The following FABP5 variants were observed in gnomAD, a reference collection of about 807,000 sequenced individuals.
FABP5 encodes the protein fatty acid-binding protein 5.
A neutral mutation model predicts 16.9 loss-of-function variants in FABP5; 7 were observed. The observed-to-expected ratio is 0.41, with a 90% CI of 0.24 to 0.78. The LOEUF is 0.78. Among genes scored for constraint, FABP5 ranks in the 30% least tolerant of loss-of-function variants. The pLI is 0.30. For missense variants in FABP5, 119 were observed against 159.5 expected (o/e 0.75, Z 1.37); for synonymous variants, 37 against 52.8 (o/e 0.70, Z 1.30).
Position 81,281,411 on chromosome 8 carries a change from C to G in FABP5, c.79+737C>G, listed in dbSNP as rs1186557190. The G allele has an allele frequency of 2.0e-6, 2 of 986,084 alleles. No individual in the cohort carries two copies. The highest frequency in any genetic ancestry group is 1.2e-4 in the Admixed American group (2 of 16,270). 61.1% of individuals were successfully genotyped at this position (986,084 alleles called of 1,614,324 possible). A position where few individuals can be genotyped will look rare whatever the true frequency, so the allele number is the denominator to read the frequency against. On this transcript the variant is annotated intron_variant, in intron 1 of 3. Transcript: ENST00000297258. The surrounding 1 kb of genome is among the most constrained non-coding windows in gnomAD (Gnocchi z 4.5). The stretch of plus-strand genomic sequence containing the variant: ...GAAGCGTGGCGCTGGCGGTGCCGAC[C>G]TGCTGCTGGCACTGCCGGGCCGGGG...
At chr8:81,282,295 AG>A (rs1190745775) in intron 1 of FABP5, among the ~76,000 whole-genome samples, 5 of 152,020 alleles carry the variant, frequency 3.3e-5, no homozygotes, top group Admixed American at 3.3e-4. Context: ...GGAGTCTTGA[AG>A]GTTGTCAAGA....
At chr8:81,282,166 CAG>C (rs1491129995) in intron 1 of FABP5, among the ~76,000 whole-genome samples, 3 of 77,454 alleles carry the variant, frequency 3.9e-5, no homozygotes, top group African/African-American at 8.4e-5. Flanking sequence ...CAATAAATAA[CAG>C]TGTGTGTGTG....
rs1807837729 is a variant in FABP5 at position 81,281,903 on chromosome 8, G to T, written c.79+1229G>T. On this transcript the variant is annotated intron_variant, in intron 1 of 3. Coordinates refer to ENST00000297258, the MANE Select transcript of FABP5 (RefSeq NM_001444.3). The surrounding 1 kb of genome is among the most constrained non-coding windows in gnomAD (Gnocchi z 4.5). ...GATTTATGAGGGTGCTTCAGAAGCCGGTATCCACAAATGTTAACCCGGTTG... is the reference window on the plus strand; with the variant it reads ...GATTTATGAGGGTGCTTCAGAAGCCTGTATCCACAAATGTTAACCCGGTTG... Among the ~76,000 whole-genome samples, 1 of 152,026 alleles carries T rather than the reference G, an allele frequency of 6.6e-6. No individual in the cohort carries two copies.
chr8:81,284,179 T>A, intron 3 of FABP5: 1 of 551,960 alleles, frequency 1.8e-6, no homozygotes, highest in Non-Finnish European at 3.2e-6. Context: ...TTGGCTGGAG[T>A]TGGGGGGAGT....
chr8:81,280,661 C>T lies in FABP5; in HGVS notation c.66C>T (p.Tyr22=). 6.4e-7 allele frequency: 1 copy of T among 1,558,560 alleles called. No homozygotes were observed. The highest frequency in any genetic ancestry group is 8.7e-7 in the Non-Finnish European group (1 of 1,150,326). The change falls in exon 1 of 4, where the codon TAC becomes TAT. Residue 22 remains tyrosine (Y), a synonymous_variant. Transcript: ENST00000297258. ...RLVDSKGFDE[Y]MKELGVGIAL... is the part of the protein sequence containing the mutation. ...TGGACAGCAAAGGCTTTGATGAATA[C>T]ATGAAGGAGCTAGGTGAGGCACCCG... is the stretch of plus-strand genomic sequence containing the variant.
At chr8:81,284,084 G>A (rs1456317581) in intron 3 of FABP5, 110 bp downstream of exon 3, 3 of 793,870 alleles carry the variant, frequency 3.8e-6, no homozygotes, top group Non-Finnish European at 6.0e-6. Context: ...AGAAAAAAAA[G>A]CAAAATAACA....
rs1203746254 is a variant in FABP5, at chr8:81,283,548, G to C, written c.252+10G>C. ...TGGCAGAAAAACTCAGGTCAGTCGT[G>C]ACATGTTATGAAATCACAGAAGCTT... On this transcript the variant is annotated intron_variant, in intron 2 of 3. Coordinates refer to ENST00000297258, the MANE Select transcript of FABP5 (RefSeq NM_001444.3). The C allele has an allele frequency of 2.5e-6, 4 of 1,602,790 alleles. No individual in the cohort carries two copies. The highest frequency in any genetic ancestry group is 3.4e-6 in the Non-Finnish European group (4 of 1,176,210).
intron 3 of FABP5, 164 bp from the exon 4 acceptor site, chr8:81,284,350 A>G: frequency 1.7e-6 from 1 of 573,502 alleles, no homozygotes; most frequent in Non-Finnish European, 3.1e-6. Flanking sequence ...AAGCAAAACA[A>G]CAGCTTCTGG....
At position 81,280,850 on chromosome 8, in the gene FABP5, G is replaced by A. The variant is rs7844708; in HGVS notation, c.79+176G>A. On this transcript the variant is annotated intron_variant, in intron 1 of 3. Transcript: ENST00000297258. ...GTGCAGCGCGCGCAGCACCACGCGG[G>A]CAGGCGGCGAGGAGCAGGGAGCGTG... 3 of 609,954 alleles carry A rather than the reference G, an allele frequency of 4.9e-6. No homozygotes were observed. In the African/African-American group the frequency reaches 5.7e-5, roughly 12 times the overall value. 37.8% of individuals were successfully genotyped at this position (609,954 alleles called of 1,614,324 possible).
rs980126318 is a variant in FABP5 at position 81,284,742 on chromosome 8, C to G, written c.*175C>G. The G allele has an allele frequency of 1.5e-4, 80 of 524,250 alleles. No individual in the cohort carries two copies. The highest frequency in any genetic ancestry group is 2.5e-4 in the Admixed American group (8 of 31,450). The allele number at this position is 524,250 out of a possible 1,614,324, so 32.5% of individuals were successfully genotyped here. A position where few individuals can be genotyped will look rare whatever the true frequency, so the allele number is the denominator to read the frequency against. ...AGTGTGTTGGATTAATTAGGATCAT[C>G]CCTTTGGTTAATAAATAAATGTGTT... On this transcript the variant is annotated 3_prime_UTR_variant, in exon 4 of 4. Coordinates refer to ENST00000297258, the MANE Select transcript of FABP5 (RefSeq NM_001444.3).
chr8:81,284,619 A>ATTGAACTGAGCTTG lies in FABP5; in HGVS notation c.*52_*53insTTGAACTGAGCTTG. The ATTGAACTGAGCTTG allele has an allele frequency of 1.0e-6, 1 of 993,694 alleles. No homozygotes were observed. The highest frequency in any genetic ancestry group is 1.6e-6 in the Non-Finnish European group (1 of 636,426). The allele number at this position is 993,694 out of a possible 1,614,324, so 61.6% of individuals were successfully genotyped here. On this transcript the variant is annotated 3_prime_UTR_variant, in exon 4 of 4. Coordinates refer to ENST00000297258, the MANE Select transcript of FABP5 (RefSeq NM_001444.3). Reference sequence around the variant, plus strand: ...GTTAATTAAGAGAATGACCAAGCTCAGTTCAATGAGCAAATCTCCATACTG... The same window carrying ATTGAACTGAGCTTG: ...GTTAATTAAGAGAATGACCAAGCTCATTGAACTGAGCTTGGTTCAATGAGCAAATCTCCATACTG...
chr8:81,281,407 C>A lies in FABP5; in HGVS notation c.79+733C>A. ...CCGAGAAGCGTGGCGCTGGCGGTGC[C>A]GACCTGCTGCTGGCACTGCCGGGCC... On this transcript the variant is annotated intron_variant, in intron 1 of 3. Coordinates refer to ENST00000297258, the MANE Select transcript of FABP5 (RefSeq NM_001444.3). This position sits in a 1 kb window ranked among gnomAD's most constrained non-coding sequence, Gnocchi z 4.5. The A allele has an allele frequency of 4.1e-6, 4 of 985,994 alleles. No homozygotes were observed. Among genetic ancestry groups the A allele is most frequent in the Non-Finnish European group, 4.8e-6 (4 of 830,560 alleles). The allele number at this position is 985,994 out of a possible 1,614,324, so 61.1% of individuals were successfully genotyped here.
intron 1 of FABP5, 47 bp from the exon 2 acceptor site, chr8:81,283,316 AATG>A: frequency 7.1e-7 from 1 of 1,403,938 alleles, no homozygotes; most frequent in Non-Finnish European, 9.7e-7. Flanking sequence ...TTATCATGTA[AATG>A]ATAACTTTGG....
At chr8:81,284,066 AGTTTGG>A in intron 3 of FABP5, 92 bp downstream of exon 3, 2 of 981,652 alleles carry the variant, frequency 2.0e-6, no homozygotes, top group Admixed American at 2.4e-5. Context: ...AACAGAACTC[AGTTTGG>A]AAGAAAAAAA....
chr8:81,284,676 A>C lies in FABP5; in HGVS notation c.*109A>C. The C allele has an allele frequency of 3.3e-6, 2 of 604,946 alleles. No homozygotes were observed. The highest frequency in any genetic ancestry group is 2.9e-6 in the Non-Finnish European group (1 of 343,768). 37.5% of individuals were successfully genotyped at this position (604,946 alleles called of 1,614,324 possible). ...TCTTTTTTTTTTCATTACTGTGTTC[A>C]ATTATCTTTATCATAAACATTTTAC... On this transcript the variant is annotated 3_prime_UTR_variant, in exon 4 of 4. Coordinates refer to ENST00000297258, the MANE Select transcript of FABP5 (RefSeq NM_001444.3).
chr8:81,282,212 C>T (rs1807843437), intron 1 of FABP5, among the ~76,000 whole-genome samples: 1 of 148,884 alleles, frequency 6.7e-6, no homozygotes, highest in East Asian at 2.0e-4. Flanking sequence ...AAGTTTAAGG[C>T]CCAAAGAACA....
At chr8:81,283,797 T>C (rs1201029060) in intron 2 of FABP5, 76 bp from the exon 3 acceptor site, 1 of 1,193,034 alleles carries the variant, frequency 8.4e-7, no homozygotes, top group African/African-American at 1.5e-5. Flanking sequence ...AAACAAATGT[T>C]GATTAAGGAG....
chr8:81,280,852 A>G (rs894775257), intron 1 of FABP5, 178 bp downstream of exon 1: 10 of 594,250 alleles, frequency 1.7e-5, no homozygotes, highest in African/African-American at 3.8e-5. Context: ...CCACGCGGGC[A>G]GGCGGCGAGG....
chr8:81,281,292 C>T lies in FABP5; in HGVS notation c.79+618C>T, dbSNP rs1807826507. 2.1e-6 allele frequency: 2 copies of T among 952,716 alleles called. No homozygotes were observed. Among genetic ancestry groups the T allele is most frequent in the Non-Finnish European group, 2.5e-6 (2 of 800,192 alleles). 59.0% of individuals were successfully genotyped at this position (952,716 alleles called of 1,614,324 possible). A position where few individuals can be genotyped will look rare whatever the true frequency, so the allele number is the denominator to read the frequency against. On this transcript the variant is annotated intron_variant, in intron 1 of 3. Coordinates refer to ENST00000297258, the MANE Select transcript of FABP5 (RefSeq NM_001444.3). This position sits in a 1 kb window ranked among gnomAD's most constrained non-coding sequence, Gnocchi z 4.5. Reference sequence around the variant, plus strand: ...CGCTACAGCTTCAGCTTGCATTCCTCTGTCAGCCCCGTCTCCCCCAGGTCC... The same window carrying T: ...CGCTACAGCTTCAGCTTGCATTCCTTTGTCAGCCCCGTCTCCCCCAGGTCC...
Sources: allele counts gnomAD v4.1 joint callset (sites outside exome capture counted in the v4.1 genomes callset), GRCh38; gene constraint gnomAD v4.1.1; non-coding constraint Gnocchi (gnomAD v3.1); transcripts MANE v1.5; gene names NCBI Gene and HGNC (gene_info 2026-07-23, HGNC 2026-07-21).